FLNC: variants seen among roughly 807,000 people sequenced by gnomAD.
The protein encoded by FLNC is filamin-C.
In FLNC, 91 loss-of-function variants were observed where a neutral mutation model predicts 254.3. That is an observed-to-expected ratio of 0.36 (90% CI 0.30 to 0.43). The LOEUF is 0.43. Ranked by LOEUF, FLNC falls within the 20% of genes least tolerant of loss-of-function variation. The pLI is 1.00. For missense variants in FLNC, 2,853 were observed against 3,802.6 expected, an observed-to-expected ratio of 0.75 and a Z score of 6.57; for synonymous variants, 1,430 against 1,577.2, an observed-to-expected ratio of 0.91 and a Z score of 2.21.
rs761978559 is a variant in FLNC at position 128,844,158 on chromosome 7, C to T, written c.3084C>T (p.Tyr1028=). ...GAGCGGAAGCCCAGGCTGTGCGCTA[C>T]ATGCCCCCGGAGGAGGGGCCCTACA... ...GGGAEAQAVR[Y]MPPEEGPYKV... Residue 1028 remains tyrosine, a synonymous_variant, in exon 20 of 48, where the codon TAC becomes TAT. Transcript: ENST00000325888. The T allele has an allele frequency of 1.2e-6, 2 of 1,613,916 alleles. No individual in the cohort carries two copies. The highest frequency in any genetic ancestry group is 1.7e-6 in the Non-Finnish European group (2 of 1,180,028).
rs10268251 is a variant in FLNC at position 128,854,203 on chromosome 7, C to G, written c.6714C>G (p.Thr2238=). ...RERLGSFGSI[T]RQQEGEASSQ... is the part of the protein sequence containing the mutation. ...GCCTGGGATCCTTCGGCAGCATCAC[C>G]CGGCAGCAGGAGGGTGAGCACCGCA... Residue 2238 remains threonine, a synonymous_variant, in exon 40 of 48, where the codon ACC becomes ACG. Transcript: ENST00000325888. 19 of 1,607,510 alleles carry G rather than the reference C, an allele frequency of 1.2e-5. No homozygotes were observed. The highest frequency in any genetic ancestry group is 1.6e-5 in the Non-Finnish European group (19 of 1,177,552).
chr7:128,853,532 T>C lies in FLNC; in HGVS notation c.6272T>C (p.Met2091Thr), dbSNP rs1808914050. ...PSKVDINCEDMEDGTCKVTYC... is the reference protein window; with the variant it reads ...PSKVDINCEDTEDGTCKVTYC... ...AAGGTGGACATCAACTGTGAGGACA[T>C]GGAGGACGGGACATGCAAAGTCACC... The change falls in exon 38 of 48, where the codon ATG becomes ACG. Residue 2091 changes from methionine (M) to threonine (T), a missense_variant. This residue lies in a region of FLNC where 551 missense variants were observed against 835.0 expected (regional missense o/e 0.66). Coordinates refer to ENST00000325888, the MANE Select transcript of FLNC (RefSeq NM_001458.5). 6.2e-7 allele frequency: 1 copy of C among 1,614,018 alleles called. No individual in the cohort carries two copies. Among genetic ancestry groups the C allele is most frequent in the Non-Finnish European group, 8.5e-7 (1 of 1,180,012 alleles).
In FLNC at chr7:128,858,404, A is replaced by C; in HGVS notation, c.8059A>C (p.Met2687Leu). 6.2e-7 allele frequency: 1 copy of C among 1,603,802 alleles called. No individual in the cohort carries two copies. The highest frequency in any genetic ancestry group is 8.5e-7 in the Non-Finnish European group (1 of 1,171,200). The change falls in exon 48 of 48, where the codon ATG (methionine) becomes CTG (leucine). Residue 2687 changes from methionine to leucine, a missense_variant. Met to Leu is a conservative substitution (Grantham distance 15). Coordinates refer to ENST00000325888, the MANE Select transcript of FLNC (RefSeq NM_001458.5). The surrounding 1 kb of genome is among the most constrained non-coding windows in gnomAD (Gnocchi z 6.7). ...TPCEEVYVKHMGNRVYNVTYT... is the reference protein window; with the variant it reads ...TPCEEVYVKHLGNRVYNVTYT... ...CTGTGAGGAGGTGTACGTGAAGCAC[A>C]TGGGGAACCGGGTGTACAATGTCAC...
rs1470779150 is a variant in FLNC at position 128,837,727 on chromosome 7, T to C, written c.941T>C (p.Ile314Thr). 6.3e-7 allele frequency: 1 copy of C among 1,594,620 alleles called. No homozygotes were observed. The highest frequency in any genetic ancestry group is 8.5e-7 in the Non-Finnish European group (1 of 1,171,452). ...GGCGTGGGCGAGGTGCTGGTCTACA[T>C]CGAGGACCCTGAAGGCCACACCGAG... is the stretch of plus-strand genomic sequence containing the variant. The part of the protein sequence containing the change: ...DAGVGEVLVY[I>T]EDPEGHTEEA... Residue 314 changes from isoleucine to threonine, a missense_variant, in exon 5 of 48, where the codon ATC (isoleucine) becomes ACC (threonine). Physicochemically the swap from Ile to Thr is moderately conservative, Grantham distance 89. Around this residue, in one of 10 missense-constraint regions of FLNC, gnomAD observed 1,573 missense variants for 1,883.5 expected, o/e 0.84. Transcript: ENST00000325888.
Position 128,848,030 on chromosome 7 carries a change from G to A in FLNC, c.4542G>A (p.Thr1514=), listed in dbSNP as rs1034934823. 14 of 1,606,914 alleles carry A rather than the reference G, an allele frequency of 8.7e-6. No individual in the cohort carries two copies. The East Asian group carries it at 2.3e-4, about 26-fold the overall frequency. Reference sequence around the variant, plus strand: ...CCCCAGCCACTGACGGGCCCTACACGGTAGCCGTCAAGTATGCTGACCAGG... The same window carrying A: ...CCCCAGCCACTGACGGGCCCTACACAGTAGCCGTCAAGTATGCTGACCAGG... ...HYTPATDGPY[T]VAVKYADQEV... is the part of the protein sequence containing the mutation. The change falls in exon 26 of 48, where the codon ACG becomes ACA. Residue 1514 remains threonine, a synonymous_variant. Coordinates refer to ENST00000325888, the MANE Select transcript of FLNC (RefSeq NM_001458.5).
chr7:128,850,384 G>C lies in FLNC; in HGVS notation c.5299G>C (p.Ala1767Pro), dbSNP rs748426045. 1 of 1,612,712 alleles carries C rather than the reference G, an allele frequency of 6.2e-7. No homozygotes were observed. Among genetic ancestry groups the C allele is most frequent in the South Asian group, 1.1e-5 (1 of 91,060 alleles). Residue 1767 changes from alanine to proline, a missense_variant and splice_region_variant, in exon 32 of 48, where the codon GCC becomes CCC. Coordinates refer to ENST00000325888, the MANE Select transcript of FLNC (RefSeq NM_001458.5). ...PRPGARPTHW[A>P]TEEPVVPVEP... ...GACTGTTCCCTCTCACCTGCTGCAG[G>C]CCACAGAGGAGCCAGTGGTGCCTGT... is the stretch of plus-strand genomic sequence containing the variant.
chr7:128,855,291 C>T lies in FLNC; in HGVS notation c.7228C>T (p.Arg2410Cys), dbSNP rs750686083. 1.4e-5 allele frequency: 23 copies of T among 1,612,534 alleles called. No homozygotes were observed. Among genetic ancestry groups the T allele is most frequent in the Admixed American group, 3.3e-5 (2 of 60,012 alleles). The change falls in exon 43 of 48, where the codon CGT (arginine) becomes TGT (cysteine). Residue 2410 changes from arginine to cysteine, a missense_variant. Coordinates refer to ENST00000325888, the MANE Select transcript of FLNC (RefSeq NM_001458.5). ...GGCCTCCCTCTCGGATGACGCTCGC[C>T]GTCTCACTGTCACCAGCCTCCAGGT... ...PVASLSDDARRLTVTSLQETG... is the reference protein window; with the variant it reads ...PVASLSDDARCLTVTSLQETG...
At chr7:128,854,985 C>A in intron 42 of FLNC, 73 bp downstream of exon 42, 1 of 1,541,278 alleles carries the variant, frequency 6.5e-7, no homozygotes, top group Non-Finnish European at 8.9e-7. Flanking sequence ...ACTGGCCAGG[C>A]AGGAGATGCT....
rs1808168813 is a variant in FLNC, at chr7:128,837,999, C to T, written c.982C>T (p.Pro328Ser). Residue 328 changes from proline to serine, a missense_variant, in exon 6 of 48, where the codon CCC becomes TCC. By Grantham distance (74) the Pro-to-Ser change is moderately conservative. Around this residue, in one of 10 missense-constraint regions of FLNC, gnomAD observed 1,573 missense variants for 1,883.5 expected, o/e 0.84. Transcript: ENST00000325888. ...EGHTEEAKVV[P>S]NNDKDRTYAV... ...TCCTTCCTAATAGGCTAAGGTGGTT[C>T]CCAACAATGACAAGGATCGCACCTA... The T allele has an allele frequency of 6.2e-7, 1 of 1,613,898 alleles. No homozygotes were observed. The highest frequency in any genetic ancestry group is 1.7e-4 in the Middle Eastern group (1 of 6,052).
chr7:128,840,108 G>A lies in FLNC; in HGVS notation c.1497G>A (p.Val499=). The stretch of plus-strand genomic sequence containing the variant: ...TGAAAGAGGTGGCTGACTTCAAGGT[G>A]TTTACCAAGGGTGCCGGCAGCGGGG... ...VRVKEVADFK[V]FTKGAGSGEL... The change falls in exon 9 of 48, where the codon GTG becomes GTA. Residue 499 remains valine (V), a synonymous_variant. Coordinates refer to ENST00000325888, the MANE Select transcript of FLNC (RefSeq NM_001458.5). The A allele has an allele frequency of 6.2e-7, 1 of 1,614,156 alleles. No homozygotes were observed. The highest frequency in any genetic ancestry group is 8.5e-7 in the Non-Finnish European group (1 of 1,180,040).
intron 37 of FLNC, 77 bp downstream of exon 37, chr7:128,853,108 C>G (rs999322381): frequency 1.7e-5 from 24 of 1,391,852 alleles, no homozygotes; most frequent in Admixed American, 3.6e-5. Flanking sequence ...CCCAGCACCC[C>G]CTTGGCCGCA....
intron 30 of FLNC, 23 bp from the exon 31 acceptor site, chr7:128,849,953 G>T: frequency 6.6e-7 from 1 of 1,524,036 alleles, no homozygotes. Flanking sequence ...CACACCCTGT[G>T]CCCCCGTGCC....
chr7:128,843,421 G>A lies in FLNC; in HGVS notation c.2655G>A (p.Gly885=), dbSNP rs1034531656. 7 of 1,613,840 alleles carry A rather than the reference G, an allele frequency of 4.3e-6. No homozygotes were observed. The highest frequency in any genetic ancestry group is 5.9e-6 in the Non-Finnish European group (7 of 1,179,994). Residue 885 remains glycine, a synonymous_variant, in exon 18 of 48, where the codon GGG becomes GGA. Transcript: ENST00000325888. The part of the protein sequence containing the change: ...PGLNRTGVEV[G]KPTHFTVLTK... Reference sequence around the variant, plus strand: ...GTGGGTCCTCAGGTGTGGAAGTCGGGAAGCCCACCCACTTCACGGTGCTGA... The same window carrying A: ...GTGGGTCCTCAGGTGTGGAAGTCGGAAAGCCCACCCACTTCACGGTGCTGA...
In FLNC at chr7:128,838,441, C is replaced by T; in HGVS notation, c.1210+12C>T. On this transcript the variant is annotated intron_variant, in intron 7 of 47. Transcript: ENST00000325888. ...CATCTACACTGCGGGTAGGACGGGC[C>T]CCAGGGGGTGCAGGTGGAAAGCCCC... 6.2e-7 allele frequency: 1 copy of T among 1,613,580 alleles called. No homozygotes were observed. Among genetic ancestry groups the T allele is most frequent in the Non-Finnish European group, 8.5e-7 (1 of 1,179,950 alleles).
At chr7:128,840,431 C>G in intron 9 of FLNC, 117 bp from the exon 10 acceptor site, 1 of 1,396,550 alleles carries the variant, frequency 7.2e-7, no homozygotes, top group Non-Finnish European at 1.0e-6. Context: ...GCACTGCTCA[C>G]TACAGCACTG....
At chr7:128,831,480 TG>T (rs1807890199) in intron 1 of FLNC, among the ~76,000 whole-genome samples, 1 of 152,220 alleles carries the variant, frequency 6.6e-6, no homozygotes, top group African/African-American at 2.4e-5. Context: ...CTGCGGGCTC[TG>T]GGGCCGAGGG....
At position 128,844,981 on chromosome 7, in the gene FLNC, G is replaced by T. The variant is rs779370965; in HGVS notation, c.3516G>T (p.Glu1172Asp). ...GCCTGGAGCGCGGCAAGGTCGGTGA[G>T]GCAGCCACCTTCACTGTGGACTGCT... ...GPGLERGKVG[E>D]AATFTVDCSE... The change falls in exon 21 of 48, where the codon GAG (glutamate) becomes GAT (aspartate). Residue 1172 changes from glutamate to aspartate, a missense_variant. This residue lies in a region of FLNC where 1,573 missense variants were observed against 1,883.5 expected (regional missense o/e 0.84). Transcript: ENST00000325888. 4.3e-6 allele frequency: 7 copies of T among 1,613,826 alleles called. No individual in the cohort carries two copies. Among genetic ancestry groups the T allele is most frequent in the Non-Finnish European group, 5.9e-6 (7 of 1,180,012 alleles).
rs79504514 is a variant in FLNC, at chr7:128,832,972, C to T, written c.352+1983C>T. On this transcript the variant is annotated intron_variant, in intron 1 of 47. Coordinates refer to ENST00000325888, the MANE Select transcript of FLNC (RefSeq NM_001458.5). ...CACCTTCTGAGTATTGTCTCAGCACCGAAATCGAGCATCTGGGCACCTCAG... is the reference window on the plus strand; with the variant it reads ...CACCTTCTGAGTATTGTCTCAGCACTGAAATCGAGCATCTGGGCACCTCAG... Among the ~76,000 whole-genome samples, 365 of 152,268 alleles carry T rather than the reference C, an allele frequency of 2.4e-3. 16 individuals carry two copies. The South Asian group carries it at 0.056, about 23-fold the overall frequency.
chr7:128,831,844 G>A (rs1807906303), intron 1 of FLNC, among the ~76,000 whole-genome samples: 1 of 152,144 alleles, frequency 6.6e-6, no homozygotes, highest in African/African-American at 2.4e-5. Flanking sequence ...TGGGAGCAGA[G>A]ACGCCAAGGG....
Sources: gnomAD v4.1 joint callset for allele counts (sites outside exome capture counted in the v4.1 genomes callset) on GRCh38, gnomAD v4.1.1 for gene constraint, gnomAD v4.1.1 regional missense constraint, Gnocchi (gnomAD v3.1) non-coding constraint, MANE v1.5 for transcripts, NCBI Gene and HGNC (gene_info 2026-07-23, HGNC 2026-07-21) for gene names.